PCDH15: variants seen among roughly 807,000 people sequenced by gnomAD.
The protein encoded by PCDH15 is protocadherin related 15.
Under a neutral mutation model 178.5 loss-of-function variants are expected in PCDH15, and 129 were observed. The observed-to-expected ratio is 0.72, with a 90% confidence interval of 0.63 to 0.84. PCDH15 has a LOEUF of 0.84. Among genes scored for constraint, PCDH15 ranks in the 40% least tolerant of loss-of-function variants. PCDH15 has a pLI of 0.00. For missense variants in PCDH15, 2,230 were observed against 2,099.9 expected (o/e 1.06, Z -1.21); for synonymous variants, 800 against 732.0 (o/e 1.09, Z -1.50).
intron 10 of PCDH15, among the ~76,000 whole-genome samples, chr10:54,198,492 A>ATTATTTT (rs1423646160): frequency 4.9e-5 from 2 of 40,834 alleles, no homozygotes; most frequent in African/African-American, 1.9e-4. Context: ...ATATCTAATT[A>ATTATTTT]TTCTTTTTTT....
chr10:54,971,168 T>G (rs1838920954), intron 2 of PCDH15, among the ~76,000 whole-genome samples: 1 of 152,074 alleles, frequency 6.6e-6, no homozygotes, highest in Non-Finnish European at 1.5e-5. Flanking sequence ...ATGTTATAGT[T>G]TTAATGTTTG....
chr10:55,426,219 A>C (rs1478735591), intron 2 of PCDH15, among the ~76,000 whole-genome samples: 2 of 151,184 alleles, frequency 1.3e-5, no homozygotes, highest in Non-Finnish European at 3.0e-5. Flanking sequence ...TATTCCCCTG[A>C]CCTCTTGGTG....
At chr10:53,949,421 T>C (rs2086830611) in intron 23 of PCDH15, among the ~76,000 whole-genome samples, 1 of 152,230 alleles carries the variant, frequency 6.6e-6, no homozygotes, top group Non-Finnish European at 1.5e-5. Context: ...TTCAGACAGC[T>C]TTCATTAACT....
chr10:55,328,182 T>C (rs1362827796), intron 2 of PCDH15, among the ~76,000 whole-genome samples: 1 of 151,612 alleles, frequency 6.6e-6, no homozygotes, highest in South Asian at 2.1e-4. Context: ...TATATACACA[T>C]ACACACATAC....
At chr10:55,072,469 C>A (rs1475037601) in intron 2 of PCDH15, among the ~76,000 whole-genome samples, 1 of 152,130 alleles carries the variant, frequency 6.6e-6, no homozygotes, top group East Asian at 1.9e-4. Context: ...ACTACGAACA[C>A]CTCTACGCAA....
intron 11 of PCDH15, among the ~76,000 whole-genome samples, chr10:54,194,737 T>G (rs2049420291): frequency 7.3e-6 from 1 of 137,716 alleles, no homozygotes; most frequent in African/African-American, 3.3e-5. Flanking sequence ...TCTATCTATC[T>G]ATCTATATAT....
intron 25 of PCDH15, among the ~76,000 whole-genome samples, chr10:53,937,147 G>A (rs2134036591): frequency 6.6e-6 from 1 of 152,252 alleles, no homozygotes; most frequent in South Asian, 2.1e-4. Flanking sequence ...ATGTGCATTA[G>A]AGAAACTTTT....
intron 1 of PCDH15, among the ~76,000 whole-genome samples, chr10:55,196,736 T>C (rs1180145076): frequency 6.6e-6 from 1 of 152,074 alleles, no homozygotes; most frequent in Non-Finnish European, 1.5e-5. Flanking sequence ...AAAAATACTA[T>C]TTATGTAAAG....
At chr10:55,397,009 A>G (rs548385099) in intron 2 of PCDH15, among the ~76,000 whole-genome samples, 10 of 152,314 alleles carry the variant, frequency 6.6e-5, no homozygotes, top group South Asian at 6.2e-4. Context: ...ATGTTTCAGT[A>G]TTGTGGGGAC....
intron 3 of PCDH15, among the ~76,000 whole-genome samples, chr10:54,842,561 G>A (rs1280016031): frequency 6.6e-6 from 1 of 151,886 alleles, no homozygotes; most frequent in African/African-American, 2.4e-5. Flanking sequence ...TTCTGTAGAT[G>A]TGTGAGGTAA....
Position 55,214,303 on chromosome 10 carries a change from AT to A in PCDH15, c.-155-47653del, listed in dbSNP as rs77846351. Reference sequence around the variant, plus strand: ...AGTCCAAATTTTATATAGCCTTATCATTTTTTTATTATTATTTTCATAGACT... The same window carrying A: ...AGTCCAAATTTTATATAGCCTTATCATTTTTTATTATTATTTTCATAGACT... On this transcript the variant is annotated intron_variant, in intron 1 of 5. Transcript: ENST00000458638. Among the ~76,000 whole-genome samples the A allele has an allele frequency of 9.2e-4, 134 of 145,046 alleles. 3 individuals carry two copies. The East Asian group carries it at 0.021, about 23-fold the overall frequency.
In PCDH15 at chr10:54,153,143, G is replaced by C. The variant is rs563952288; in HGVS notation, c.1741C>G (p.Leu581Val). 6.2e-6 allele frequency: 10 copies of C among 1,613,896 alleles called. No homozygotes were observed. The South Asian group carries it at 1.1e-4, about 18-fold the overall frequency. ...GCATTATCCGCTGCTTGGACCGTGA[G>C]TGCGTAAGTCCGCCCGACTATCATT... The part of the protein sequence containing the change: ...VEMIVGRTYA[L>V]TVQAADNAPP... Residue 581 changes from leucine to valine, a missense_variant, in exon 14 of 38, where the codon CTC (leucine) becomes GTC (valine). By Grantham distance (32) the Leu-to-Val change is conservative (BLOSUM62 1). Transcript: ENST00000644397.
intron 1 of PCDH15, among the ~76,000 whole-genome samples, chr10:54,797,305 A>C (rs1459032365): frequency 2.0e-5 from 3 of 152,066 alleles, no homozygotes; most frequent in African/African-American, 7.2e-5. Context: ...CTTGAAGGAA[A>C]GAAATGCTTC....
At chr10:54,150,721 T>C (rs1395734590) in intron 14 of PCDH15, among the ~76,000 whole-genome samples, 1 of 152,060 alleles carries the variant, frequency 6.6e-6, no homozygotes, top group Admixed American at 6.6e-5. Context: ...TTATAATACA[T>C]TCATGTCTGA....
intron 1 of PCDH15, among the ~76,000 whole-genome samples, chr10:55,248,870 G>A (rs980439019): frequency 6.6e-6 from 1 of 152,054 alleles, no homozygotes; most frequent in Non-Finnish European, 1.5e-5. Context: ...TCTTTCCAAA[G>A]TGATCTATAG....
At chr10:54,983,404 G>A (rs1839288814) in intron 2 of PCDH15, among the ~76,000 whole-genome samples, 2 of 152,014 alleles carry the variant, frequency 1.3e-5, no homozygotes, top group Admixed American at 6.6e-5. Flanking sequence ...AATTTTAAAT[G>A]TATGCTGACA....
intron 3 of PCDH15, among the ~76,000 whole-genome samples, chr10:54,521,687 A>G (rs529589232): frequency 6.6e-6 from 1 of 152,306 alleles, no homozygotes; most frequent in Admixed American, 6.5e-5. Context: ...GACCTTTGGT[A>G]TGACTGTAAT....
intron 20 of PCDH15, among the ~76,000 whole-genome samples, chr10:54,011,426 G>T (rs74134957): frequency 0.11 from 16,655 of 152,138 alleles, 2,649 homozygotes; most frequent in African/African-American, 0.35. Flanking sequence ...CCACAGCCAA[G>T]GTCCCTTCCC....
At chr10:54,297,360 A>G (rs558458495) in intron 8 of PCDH15, among the ~76,000 whole-genome samples, 13 of 152,278 alleles carry the variant, frequency 8.5e-5, no homozygotes, top group Admixed American at 8.5e-4. Flanking sequence ...CTGTTGGGGA[A>G]AAATGGCCAC....
Sources: allele counts gnomAD v4.1 joint callset (sites outside exome capture counted in the v4.1 genomes callset), GRCh38; gene constraint gnomAD v4.1.1; transcripts MANE v1.5; gene names NCBI Gene and HGNC (gene_info 2026-07-23, HGNC 2026-07-21).